The following GATA5 variants were observed in gnomAD, a reference collection of about 807,000 sequenced individuals.
The protein encoded by GATA5 is transcription factor GATA-5.
Under a neutral mutation model 35.0 loss-of-function variants are expected in GATA5, and 27 were observed. The ratio of observed to expected loss-of-function variants is 0.77; its 90% CI spans 0.57 to 1.06. The LOEUF is 1.06. GATA5 is among the 50% of genes least tolerant of loss of function. GATA5 has a pLI of 0.00. For missense variants in GATA5, 612 were observed against 580.0 expected, an observed-to-expected ratio of 1.06 and a Z score of -0.57; for synonymous variants, 306 against 267.8, an observed-to-expected ratio of 1.14 and a Z score of -1.39.
intron 3 of GATA5, among the ~76,000 whole-genome samples, chr20:62,469,613 C>T (rs1333621526): frequency 1.2e-4 from 18 of 152,268 alleles, no homozygotes; most frequent in African/African-American, 4.1e-4. Flanking sequence ...CCCCCAGCAG[C>T]GGGCACACCC....
intron 3 of GATA5, among the ~76,000 whole-genome samples, chr20:62,473,091 C>A (rs1989761127): frequency 6.6e-6 from 1 of 152,196 alleles, no homozygotes; most frequent in Non-Finnish European, 1.5e-5. Context: ...CTTCTTGGAC[C>A]CAGCACTCAG....
In GATA5 at chr20:62,464,815, G is replaced by C; in HGVS notation, c.*21C>G. 6.4e-7 allele frequency: 1 copy of C among 1,568,156 alleles called. No homozygotes were observed. The highest frequency in any genetic ancestry group is 8.7e-7 in the Non-Finnish European group (1 of 1,155,660). The stretch of plus-strand genomic sequence containing the variant: ...GTGGTCTGTTCCAGGCTGTTCCCCT[G>C]ACATGGGCTGGCCTGGGGACCTAGG... On this transcript the variant is annotated 3_prime_UTR_variant, in exon 7 of 7. Transcript: ENST00000252997.
chr20:62,469,875 G>A (rs1307718481), intron 3 of GATA5, among the ~76,000 whole-genome samples: 1 of 152,244 alleles, frequency 6.6e-6, no homozygotes, highest in East Asian at 1.9e-4. Flanking sequence ...GGACAGAACC[G>A]CCCCCCTCGG....
rs1989828672 is a variant in GATA5 at position 62,475,292 on chromosome 20, G to C, written c.230C>G (p.Pro77Arg). 1.6e-6 allele frequency: 2 copies of C among 1,244,562 alleles called. No individual in the cohort carries two copies. The highest frequency in any genetic ancestry group is 2.0e-6 in the Non-Finnish European group (2 of 994,288). The allele number at this position is 1,244,562 out of a possible 1,614,324, so 77.1% of individuals were successfully genotyped here. Residue 77 changes from proline to arginine, a missense_variant, in exon 2 of 7, where the codon CCG (proline) becomes CGG (arginine). Coordinates refer to ENST00000252997, the MANE Select transcript of GATA5 (RefSeq NM_080473.5). ...CGCGGCTGGGGGGTGCGGACTGCCC[G>C]GGCCGAAGGCCGACGAATCCGCGGT... is the stretch of plus-strand genomic sequence containing the variant. ...TATADSSAFG[P>R]GSPHPPAAHP...
At position 62,475,341 on chromosome 20, in the gene GATA5, G is replaced by A. The variant is rs782403666; in HGVS notation, c.181C>T (p.Arg61Cys). Residue 61 changes from arginine to cysteine, a missense_variant, in exon 2 of 7, where the codon CGC (arginine) becomes TGC (cysteine). Transcript: ENST00000252997. The part of the protein sequence containing the change: ...PSPQPPELAA[R>C]PGWAQTATAD... The stretch of plus-strand genomic sequence containing the variant: ...GTGGCTGTCTGCGCCCAGCCGGGGC[G>A]CGCAGCGAGCTCGGGGGGCTGCGGG... 2.0e-4 allele frequency: 248 copies of A among 1,254,728 alleles called. No homozygotes were observed. The highest frequency in any genetic ancestry group is 2.4e-4 in the Non-Finnish European group (238 of 998,926). 77.7% of individuals were successfully genotyped at this position (1,254,728 alleles called of 1,614,324 possible). A position where few individuals can be genotyped will look rare whatever the true frequency, so the allele number is the denominator to read the frequency against.
At position 62,473,451 on chromosome 20, in the gene GATA5, G is replaced by A. The variant is rs1222491921; in HGVS notation, c.651C>T (p.His217=). The change falls in exon 3 of 7, where the codon CAC becomes CAT. Residue 217 remains histidine (H), a synonymous_variant. Coordinates refer to ENST00000252997, the MANE Select transcript of GATA5 (RefSeq NM_080473.5). ...HYLCNACGLY[H]KMNGVNRPLV... ...GCGGCCGGTTGACGCCATTCATCTT[G>A]TGGTAGAGGCCGCAGGCATTGCACA... The A allele has an allele frequency of 3.7e-6, 6 of 1,611,326 alleles. No homozygotes were observed. The highest frequency in any genetic ancestry group is 3.3e-5 in the Admixed American group (2 of 59,824).
intron 3 of GATA5, among the ~76,000 whole-genome samples, chr20:62,472,775 C>T (rs901380426): frequency 6.6e-6 from 1 of 152,216 alleles, no homozygotes; most frequent in Admixed American, 6.5e-5. Flanking sequence ...TCCCCCACTC[C>T]CTGCTCAGCC....
In GATA5 at chr20:62,467,565, G is replaced by A. The variant is rs782802717; in HGVS notation, c.700-1014C>T. On this transcript the variant is annotated intron_variant, in intron 3 of 6. Transcript: ENST00000252997. ...CCCCAGCCCCTACCCTGACCCCATC[G>A]GTCCCCTTCCCTCAGGTTGCACAGC... Among the ~76,000 whole-genome samples the A allele has an allele frequency of 3.3e-5, 5 of 152,188 alleles. No individual in the cohort carries two copies. In the East Asian group the frequency reaches 7.7e-4, roughly 24 times the overall value.
rs1555896012 is a variant in GATA5 at position 62,465,816 on chromosome 20, C to T, written c.913+18G>A. 1.3e-6 allele frequency: 2 copies of T among 1,562,108 alleles called. No homozygotes were observed. Among genetic ancestry groups the T allele is most frequent in the Non-Finnish European group, 1.7e-6 (2 of 1,149,694 alleles). ...CACTCCGCAGGAGCGGGGCTGACTG[C>T]AGGGCCTGGCCACGCACCTGAGGAG... On this transcript the variant is annotated intron_variant, in intron 5 of 6. Transcript: ENST00000252997.
In GATA5 at chr20:62,475,225, G is replaced by C; in HGVS notation, c.297C>G (p.Pro99=). The C allele has an allele frequency of 8.0e-7, 1 of 1,249,482 alleles. No individual in the cohort carries two copies. The highest frequency in any genetic ancestry group is 1.0e-6 in the Non-Finnish European group (1 of 996,182). The allele number at this position is 1,249,482 out of a possible 1,614,324, so 77.4% of individuals were successfully genotyped here. A position where few individuals can be genotyped will look rare whatever the true frequency, so the allele number is the denominator to read the frequency against. ...CGCTGCCGCCGCTGCCGGGCCCCGA[G>C]GGGCTGTGCGCGAAAGGGAAGGCGG... The part of the protein sequence containing the change: ...GATAFPFAHS[P]SGPGSGGSAG... Residue 99 remains proline (P), a synonymous_variant, in exon 2 of 7, where the codon CCC becomes CCG. Transcript: ENST00000252997.
chr20:62,468,415 C>T (rs1172548484), intron 3 of GATA5, among the ~76,000 whole-genome samples: 2 of 152,268 alleles, frequency 1.3e-5, no homozygotes, highest in East Asian at 1.9e-4. Context: ...GGGCACAGGC[C>T]GTCCTGTCGA....
Position 62,464,267 on chromosome 20 carries a change from A to G in GATA5, c.*569T>C, listed in dbSNP as rs756489659. On this transcript the variant is annotated 3_prime_UTR_variant, in exon 7 of 7. Coordinates refer to ENST00000252997, the MANE Select transcript of GATA5 (RefSeq NM_080473.5). ...GGCACCGTGCGCGGCCCGCACTCCG[A>G]TCCCTGGCAGTCCTGCACCTGTTGC... The G allele has an allele frequency of 2.6e-5, 4 of 152,264 alleles. No homozygotes were observed. Among genetic ancestry groups the G allele is most frequent in the Non-Finnish European group, 5.9e-5 (4 of 68,114 alleles). The allele number at this position is 152,264 out of a possible 1,614,324, so 9.4% of individuals were successfully genotyped here.
At chr20:62,472,560 T>C (rs564332935) in intron 3 of GATA5, among the ~76,000 whole-genome samples, 1 of 152,250 alleles carries the variant, frequency 6.6e-6, no homozygotes, top group Non-Finnish European at 1.5e-5. Context: ...GAACATACCC[T>C]TGCTCAGCCT....
chr20:62,474,260 G>C (rs781964078), intron 2 of GATA5, among the ~76,000 whole-genome samples: 1 of 152,196 alleles, frequency 6.6e-6, no homozygotes, highest in Non-Finnish European at 1.5e-5. Flanking sequence ...GCGCCGGCGC[G>C]AGGGAGGCCC....
rs539125153 is a variant in GATA5, at chr20:62,475,216, G to A, written c.306C>T (p.Pro102=). The change falls in exon 2 of 7, where the codon CCC becomes CCT. Residue 102 remains proline (P), a synonymous_variant. Transcript: ENST00000252997. ...AFPFAHSPSG[P]GSGGSAGGRD... ...GGCCCCCCGCGCTGCCGCCGCTGCCGGGCCCCGAGGGGCTGTGCGCGAAAG... is the reference window on the plus strand; with the variant it reads ...GGCCCCCCGCGCTGCCGCCGCTGCCAGGCCCCGAGGGGCTGTGCGCGAAAG... 1.8e-4 allele frequency: 222 copies of A among 1,250,262 alleles called. No homozygotes were observed. In the African/African-American group the frequency reaches 3.1e-3, roughly 18 times the overall value. 77.4% of individuals were successfully genotyped at this position (1,250,262 alleles called of 1,614,324 possible). A position where few individuals can be genotyped will look rare whatever the true frequency, so the allele number is the denominator to read the frequency against.
rs1555895962 is a variant in GATA5, at chr20:62,465,419, G to A, written c.959C>T (p.Thr320Ile). The A allele has an allele frequency of 6.2e-7, 1 of 1,608,810 alleles. No individual in the cohort carries two copies. The highest frequency in any genetic ancestry group is 1.1e-5 in the South Asian group (1 of 91,068). Reference protein sequence around the residue: ...ASASPSAVASTDSSAATSKAK... With the variant: ...ASASPSAVASIDSSAATSKAK... ...TTTCGAAGTGGCTGCTGAGCTGTCA[G>A]TGCTGGCGACAGCAGATGGGGAGGC... The change falls in exon 6 of 7, where the codon ACT becomes ATT. Residue 320 changes from threonine (T) to isoleucine (I), a missense_variant. Coordinates refer to ENST00000252997, the MANE Select transcript of GATA5 (RefSeq NM_080473.5).
At chr20:62,469,328 T>C (rs1989667962) in intron 3 of GATA5, among the ~76,000 whole-genome samples, 1 of 152,224 alleles carries the variant, frequency 6.6e-6, no homozygotes, top group Non-Finnish European at 1.5e-5. Flanking sequence ...GCCTGGAGTT[T>C]ATTTGCTGAC....
Position 62,466,597 on chromosome 20 carries a change from G to A in GATA5, c.700-46C>T, listed in dbSNP as rs6061244. 5.4e-4 allele frequency: 827 copies of A among 1,527,334 alleles called. 9 individuals carry two copies. The South Asian group carries it at 8.3e-3, about 15-fold the overall frequency. 94.6% of individuals were successfully genotyped at this position (1,527,334 alleles called of 1,614,324 possible). A position where few individuals can be genotyped will look rare whatever the true frequency, so the allele number is the denominator to read the frequency against. On this transcript the variant is annotated intron_variant, in intron 3 of 6. Coordinates refer to ENST00000252997, the MANE Select transcript of GATA5 (RefSeq NM_080473.5). ...GGAGTGAGCCCCGGGCCGGGTGCGCGGCTGGAGCAGGGGGACGGAAGCGAG... is the reference window on the plus strand; with the variant it reads ...GGAGTGAGCCCCGGGCCGGGTGCGCAGCTGGAGCAGGGGGACGGAAGCGAG...
At chr20:62,473,863 G>C (rs1386876344) in intron 2 of GATA5, among the ~76,000 whole-genome samples, 1 of 152,178 alleles carries the variant, frequency 6.6e-6, no homozygotes, top group African/African-American at 2.4e-5. Flanking sequence ...TGGGACTCCC[G>C]GCTCCGGGAC....
Sources: gnomAD v4.1 joint callset for allele counts (sites outside exome capture counted in the v4.1 genomes callset) on GRCh38, gnomAD v4.1.1 for gene constraint, MANE v1.5 for transcripts, NCBI Gene and HGNC (gene_info 2026-07-23, HGNC 2026-07-21) for gene names.